The following CCSER1 variants were observed in gnomAD, a reference collection of about 807,000 sequenced individuals.
The protein encoded by CCSER1 is coiled-coil serine rich protein 1, also known as serine-rich coiled-coil domain-containing protein 1.
CCSER1 carries 41 observed loss-of-function variants against 82.0 expected under a neutral mutation model. That is an observed-to-expected ratio of 0.50 (90% CI 0.39 to 0.65). The LOEUF (loss-of-function observed/expected upper bound fraction) is 0.65. Among genes scored for constraint, CCSER1 ranks in the 30% least tolerant of loss-of-function variants. The pLI, the probability that CCSER1 is intolerant of heterozygous loss-of-function variation, is 0.00. For synonymous variants in CCSER1, 414 were observed against 383.9 expected (o/e 1.08, Z -0.92); for missense variants, 1,119 against 1,064.2 (o/e 1.05, Z -0.72).
intron 10 of CCSER1, among the ~76,000 whole-genome samples, chr4:91,186,069 C>T (rs1424474851): frequency 2.0e-5 from 3 of 152,150 alleles, no homozygotes; most frequent in Non-Finnish European, 1.5e-5. Flanking sequence ...TTGCTGAATT[C>T]CTGCCTGAAT....
intron 7 of CCSER1, among the ~76,000 whole-genome samples, chr4:90,777,618 C>G (rs142235671): frequency 6.6e-6 from 1 of 152,008 alleles, no homozygotes; most frequent in Non-Finnish European, 1.5e-5. Flanking sequence ...TTAACTTTCT[C>G]AGTTTCAGTT....
chr4:90,814,126 C>T (rs1823882), intron 7 of CCSER1, among the ~76,000 whole-genome samples: 50,803 of 152,070 alleles, frequency 0.33, 8,644 homozygotes, highest in East Asian at 0.42. Flanking sequence ...ATGCTTGGGG[C>T]TTGTACCCTC....
At chr4:90,922,036 C>T (rs766974104) in intron 8 of CCSER1, among the ~76,000 whole-genome samples, 3 of 151,980 alleles carry the variant, frequency 2.0e-5, no homozygotes, top group Non-Finnish European at 2.9e-5. Flanking sequence ...AAAACTTCTA[C>T]CTCACTCATG....
intron 10 of CCSER1, among the ~76,000 whole-genome samples, chr4:91,336,518 T>C (rs996365270): frequency 1.1e-4 from 16 of 152,080 alleles, no homozygotes; most frequent in African/African-American, 3.4e-4. Flanking sequence ...TTTGATAAAA[T>C]GTTCCTTCTA....
intron 8 of CCSER1, among the ~76,000 whole-genome samples, chr4:90,887,194 A>G (rs17017773): frequency 6.6e-6 from 1 of 152,192 alleles, no homozygotes. Context: ...GCCACCAAGA[A>G]GAATTATACT....
intron 9 of CCSER1, among the ~76,000 whole-genome samples, chr4:90,932,964 A>AAGAG (rs1561384671): frequency 4.3e-5 from 2 of 46,512 alleles, no homozygotes; most frequent in Admixed American, 2.1e-4. Context: ...GAAAGAAAGA[A>AAGAG]AGAAAGAAAG....
At chr4:91,022,715 A>G (rs1339749797) in intron 9 of CCSER1, among the ~76,000 whole-genome samples, 1 of 152,152 alleles carries the variant, frequency 6.6e-6, no homozygotes, top group Admixed American at 6.5e-5. Context: ...ACTGGTGTGA[A>G]ATGATATCTC....
chr4:91,077,112 G>A (rs1722078026), intron 9 of CCSER1, among the ~76,000 whole-genome samples: 1 of 152,146 alleles, frequency 6.6e-6, no homozygotes, highest in Admixed American at 6.5e-5. Flanking sequence ...GAATTCCCAG[G>A]GGTCTCACAG....
At chr4:91,175,537 T>A (rs990443262) in intron 10 of CCSER1, among the ~76,000 whole-genome samples, 1 of 152,216 alleles carries the variant, frequency 6.6e-6, no homozygotes, top group African/African-American at 2.4e-5. Context: ...AGATGGTATC[T>A]CATTGTGGTT....
At chr4:91,166,094 A>T (rs1344686311) in intron 10 of CCSER1, among the ~76,000 whole-genome samples, 1 of 152,240 alleles carries the variant, frequency 6.6e-6, no homozygotes, top group African/African-American at 2.4e-5. Context: ...ACATTTTAAG[A>T]TTTTTAAAAA....
chr4:90,193,809 A>T (rs1736092139), intron 1 of CCSER1, among the ~76,000 whole-genome samples: 1 of 152,064 alleles, frequency 6.6e-6, no homozygotes. Context: ...GAAAATATCT[A>T]TTGATGCTTT....
At chr4:90,207,337 C>T (rs1366368280) in intron 1 of CCSER1, among the ~76,000 whole-genome samples, 1 of 152,136 alleles carries the variant, frequency 6.6e-6, no homozygotes, top group Non-Finnish European at 1.5e-5. Flanking sequence ...TGTTTTTCAG[C>T]TCCATCAGGT....
intron 10 of CCSER1, among the ~76,000 whole-genome samples, chr4:91,590,763 AT>A (rs1764227445): frequency 6.6e-6 from 1 of 152,098 alleles, no homozygotes; most frequent in Non-Finnish European, 1.5e-5. Context: ...AGGAGATGAT[AT>A]TTTTTAAAAT....
At chr4:91,357,615 T>C (rs1748931660) in intron 10 of CCSER1, among the ~76,000 whole-genome samples, 1 of 152,130 alleles carries the variant, frequency 6.6e-6, no homozygotes. Flanking sequence ...ACCAAAGGTA[T>C]ATTTTACTTT....
intron 1 of CCSER1, among the ~76,000 whole-genome samples, chr4:90,256,969 T>C (rs968622838): frequency 6.6e-6 from 1 of 152,124 alleles, no homozygotes; most frequent in African/African-American, 2.4e-5. Flanking sequence ...TATATATGTA[T>C]GTATAAGAAA....
chr4:90,557,031 G>C (rs572084962), intron 5 of CCSER1, among the ~76,000 whole-genome samples: 2 of 151,820 alleles, frequency 1.3e-5, no homozygotes, highest in African/African-American at 4.8e-5. Flanking sequence ...TTATTGAAAA[G>C]TATGCAATAT....
At chr4:90,918,202 A>C (rs1426517275) in intron 8 of CCSER1, 1 of 453,508 alleles carries the variant, frequency 2.2e-6, no homozygotes, top group South Asian at 1.6e-5. Flanking sequence ...TGTATTAATT[A>C]ATGTGTGTAC....
intron 10 of CCSER1, among the ~76,000 whole-genome samples, chr4:91,473,370 T>C (rs1016878737): frequency 6.6e-5 from 10 of 152,166 alleles, no homozygotes; most frequent in African/African-American, 2.4e-4. Context: ...TATTCCCTTT[T>C]AAGTCATCCA....
intron 4 of CCSER1, among the ~76,000 whole-genome samples, chr4:90,404,969 A>G (rs191989230): frequency 3.3e-5 from 5 of 152,290 alleles, no homozygotes; most frequent in African/African-American, 1.2e-4. Flanking sequence ...TAACGTTCCC[A>G]AAAGACCATA....
Sources: allele counts gnomAD v4.1 joint callset (sites outside exome capture counted in the v4.1 genomes callset), GRCh38; gene constraint gnomAD v4.1.1; transcripts MANE v1.5; gene names NCBI Gene and HGNC (gene_info 2026-07-23, HGNC 2026-07-21).